ADAM7: variants seen among roughly 807,000 people sequenced by gnomAD.
ADAM7 encodes the protein ADAM metallopeptidase domain 7.
In ADAM7, 97 loss-of-function variants were observed where a neutral mutation model predicts 102.9. The observed-to-expected ratio is 0.94, with a 90% confidence interval of 0.80 to 1.12. The LOEUF (loss-of-function observed/expected upper bound fraction) is 1.12, where lower values mean the gene tolerates loss of function less well. Ranked by LOEUF, ADAM7 falls within the 50% of genes most tolerant of loss-of-function variation. The pLI is 0.00. For synonymous variants in ADAM7, 334 were observed against 304.4 expected, an observed-to-expected ratio of 1.10 and a Z score of -1.01; for missense variants, 991 against 908.7, an observed-to-expected ratio of 1.09 and a Z score of -1.16.
intron 3 of ADAM7, among the ~76,000 whole-genome samples, chr8:24,462,494 T>TATGCTGTGCCTTCTTCACCTCTC (rs1191453011): frequency 6.6e-6 from 1 of 152,206 alleles, no homozygotes; most frequent in Non-Finnish European, 1.5e-5. Context: ...AACTTCATCT[T>TATGCTGTGCCTTCTTCACCTCTC]ATGCTGTGCC....
chr8:24,502,301 C>T (rs1013723509), intron 20 of ADAM7, among the ~76,000 whole-genome samples: 1 of 151,962 alleles, frequency 6.6e-6, no homozygotes, highest in Admixed American at 6.6e-5. Context: ...CGCTTATCTG[C>T]TTCTGTTTGA....
At chr8:24,474,194 C>A (rs1485442831) in intron 7 of ADAM7, among the ~76,000 whole-genome samples, 1 of 152,002 alleles carries the variant, frequency 6.6e-6, no homozygotes, top group Non-Finnish European at 1.5e-5. Flanking sequence ...ATAGAAGAAA[C>A]TATAATTAAC....
chr8:24,457,567 T>G (rs1412835894), intron 3 of ADAM7, among the ~76,000 whole-genome samples: 2 of 152,206 alleles, frequency 1.3e-5, no homozygotes, highest in African/African-American at 4.8e-5. Flanking sequence ...TGAGCCACTG[T>G]ATAATTTGGA....
intron 3 of ADAM7, among the ~76,000 whole-genome samples, chr8:24,453,432 A>T (rs1174229236): frequency 6.6e-6 from 1 of 151,888 alleles, no homozygotes; most frequent in South Asian, 2.1e-4. Context: ...CTTTCTTCCA[A>T]TTGATCACAT....
chr8:24,482,390 AAC>A, intron 9 of ADAM7, 79 bp downstream of exon 9: 1 of 1,453,908 alleles, frequency 6.9e-7, no homozygotes, highest in Non-Finnish European at 9.4e-7. Context: ...ACAGAAAAAA[AAC>A]ATTTTTTAAG....
chr8:24,494,811 C>G (rs1820498494), intron 16 of ADAM7, among the ~76,000 whole-genome samples: 1 of 152,060 alleles, frequency 6.6e-6, no homozygotes, highest in African/African-American at 2.4e-5. Flanking sequence ...TTCTCTAAAA[C>G]CAAAGGACAA....
intron 16 of ADAM7, among the ~76,000 whole-genome samples, chr8:24,497,620 G>A (rs76058228): frequency 1.3e-5 from 2 of 152,020 alleles, no homozygotes; most frequent in African/African-American, 4.8e-5. Context: ...TTAATATGAA[G>A]TCTAAATTAA....
chr8:24,482,457 A>T lies in ADAM7; in HGVS notation c.875+146A>T, dbSNP rs1819987673. The T allele has an allele frequency of 3.7e-6, 3 of 807,170 alleles. No individual in the cohort carries two copies. The Admixed American group carries it at 9.1e-5, about 24-fold the overall frequency. The allele number at this position is 807,170 out of a possible 1,614,324, so 50.0% of individuals were successfully genotyped here. A position where few individuals can be genotyped will look rare whatever the true frequency, so the allele number is the denominator to read the frequency against. On this transcript the variant is annotated intron_variant, in intron 9 of 21. Coordinates refer to ENST00000175238, the MANE Select transcript of ADAM7 (RefSeq NM_003817.4). ...AAAATGTTATTTGTAGCTACACAGA[A>T]AATTTCCAAGCAAGGAACCGTAGCA...
intron 6 of ADAM7, 82 bp downstream of exon 6, chr8:24,467,070 A>G (rs1313129745): frequency 1.5e-6 from 2 of 1,322,942 alleles, no homozygotes; most frequent in Non-Finnish European, 2.1e-6. Flanking sequence ...GTATGAGTCC[A>G]GTTACTGAAA....
chr8:24,493,282 A>G, intron 16 of ADAM7, 53 bp downstream of exon 16: 1 of 1,465,736 alleles, frequency 6.8e-7, no homozygotes, highest in Non-Finnish European at 9.1e-7. Flanking sequence ...ATCCTTTAAA[A>G]ACATTACTGG....
intron 8 of ADAM7, among the ~76,000 whole-genome samples, chr8:24,480,835 T>C (rs1819924728): frequency 6.6e-6 from 1 of 150,740 alleles, no homozygotes; most frequent in Admixed American, 6.6e-5. Context: ...AGCCCAGGAG[T>C]TCAAGACTAG....
At chr8:24,443,053 G>C (rs1818428041) in intron 2 of ADAM7, among the ~76,000 whole-genome samples, 1 of 152,148 alleles carries the variant, frequency 6.6e-6, no homozygotes, top group Non-Finnish European at 1.5e-5. Flanking sequence ...ACTTTCAAAA[G>C]TAACGAATGC....
chr8:24,463,126 A>G (rs1585872973), intron 3 of ADAM7, among the ~76,000 whole-genome samples: 2 of 152,164 alleles, frequency 1.3e-5, no homozygotes, highest in African/African-American at 2.4e-5. Flanking sequence ...ATGAAAATGA[A>G]TATCTTTTGA....
chr8:24,483,391 T>C (rs1820026870), intron 9 of ADAM7, among the ~76,000 whole-genome samples: 1 of 152,200 alleles, frequency 6.6e-6, no homozygotes, highest in Non-Finnish European at 1.5e-5. Context: ...GCTACTGTAT[T>C]AAAATAGTGC....
At chr8:24,499,047 C>G (rs1820655047) in intron 16 of ADAM7, among the ~76,000 whole-genome samples, 189 bp from the exon 17 acceptor site, 1 of 151,900 alleles carries the variant, frequency 6.6e-6, no homozygotes, top group Non-Finnish European at 1.5e-5. Flanking sequence ...TTTCTCTATC[C>G]ACAGAAAATA....
chr8:24,474,552 A>G (rs1396633641), intron 7 of ADAM7, among the ~76,000 whole-genome samples: 1 of 152,098 alleles, frequency 6.6e-6, no homozygotes, highest in Non-Finnish European at 1.5e-5. Context: ...AGCATTCAAT[A>G]TGCTAGGTTC....
chr8:24,451,238 C>T (rs1232356574), intron 3 of ADAM7, among the ~76,000 whole-genome samples: 3 of 151,976 alleles, frequency 2.0e-5, no homozygotes, highest in African/African-American at 7.2e-5. Context: ...CCAGTTCCTC[C>T]TTGTACCTCT....
intron 3 of ADAM7, among the ~76,000 whole-genome samples, chr8:24,450,456 G>A (rs867710887): frequency 2.0e-5 from 3 of 151,750 alleles, no homozygotes; most frequent in Non-Finnish European, 4.4e-5. Flanking sequence ...CTGTTTGTCT[G>A]TTATTGGTGT....
intron 3 of ADAM7, among the ~76,000 whole-genome samples, chr8:24,450,601 G>A (rs147224643): frequency 0.023 from 3,431 of 152,228 alleles, 56 homozygotes; most frequent in Non-Finnish European, 0.037. Flanking sequence ...TGCAAACAGG[G>A]ACAATTTGAC....
Sources: allele counts gnomAD v4.1 joint callset (sites outside exome capture counted in the v4.1 genomes callset), GRCh38; gene constraint gnomAD v4.1.1; transcripts MANE v1.5; gene names NCBI Gene and HGNC (gene_info 2026-07-23, HGNC 2026-07-21).